The following MAN2B2 variants were observed in gnomAD, a reference collection of about 807,000 sequenced individuals.
MAN2B2 encodes the protein epididymis-specific alpha-mannosidase.
Under a neutral mutation model 117.1 loss-of-function variants are expected in MAN2B2, and 106 were observed. The observed-to-expected ratio is 0.90, with a 90% CI of 0.77 to 1.06. The LOEUF (loss-of-function observed/expected upper bound fraction) is 1.06, where lower values mean the gene tolerates loss of function less well. Ranked by LOEUF, MAN2B2 falls within the 50% of genes least tolerant of loss-of-function variation. MAN2B2 has a pLI of 0.00. For synonymous variants in MAN2B2, 544 were observed against 595.1 expected (o/e 0.91, Z 1.25); for missense variants, 1,326 against 1,381.4 (o/e 0.96, Z 0.64).
At chr4:6,611,586 G>C (rs1375491075) in intron 15 of MAN2B2, among the ~76,000 whole-genome samples, 1 of 148,248 alleles carries the variant, frequency 6.7e-6, no homozygotes, top group Non-Finnish European at 1.5e-5. Context: ...ATGACATTAT[G>C]TCACCATGTC....
rs560418902 is a variant in MAN2B2, at chr4:6,613,579, G to A, written c.2564-639G>A. On this transcript the variant is annotated intron_variant, in intron 15 of 18. Coordinates refer to ENST00000285599, the MANE Select transcript of MAN2B2 (RefSeq NM_015274.3). ...GACACAGCAAGTCCCTATCTACAAGGAAGGAAGGAAGGAAGGGAGGGAGGG... is the reference window on the plus strand; with the variant it reads ...GACACAGCAAGTCCCTATCTACAAGAAAGGAAGGAAGGAAGGGAGGGAGGG... Among the ~76,000 whole-genome samples the A allele has an allele frequency of 2.0e-3, 273 of 136,870 alleles. 1 individual carries two copies. Among genetic ancestry groups the A allele is most frequent in the Non-Finnish European group, 3.3e-3 (209 of 63,456 alleles). The allele number at this position is 136,870 out of a possible 152,430, so 89.8% of individuals were successfully genotyped here.
chr4:6,580,028 G>A (rs1165630887), intron 3 of MAN2B2, among the ~76,000 whole-genome samples: 3 of 152,236 alleles, frequency 2.0e-5, no homozygotes, highest in Non-Finnish European at 2.9e-5. Flanking sequence ...CTCCACTACA[G>A]CATGGGCCCT....
chr4:6,586,053 G>GTTTTTTTTTTTTTTTTTTTTTTT (rs759999292), intron 3 of MAN2B2, among the ~76,000 whole-genome samples: 6 of 143,922 alleles, frequency 4.2e-5, no homozygotes, highest in African/African-American at 1.5e-4. Context: ...TTTTCTTGTG[G>GTTTTTTTTTTTTTTTTTTTTTTT]TTTTTTTTTT....
chr4:6,590,198 C>T (rs751857651), intron 5 of MAN2B2, among the ~76,000 whole-genome samples: 1 of 152,030 alleles, frequency 6.6e-6, no homozygotes, highest in South Asian at 2.1e-4. Flanking sequence ...ATGGCAAAAC[C>T]CCGTCTCTAC....
intron 5 of MAN2B2, among the ~76,000 whole-genome samples, chr4:6,589,747 C>T (rs1466899639): frequency 1.3e-5 from 2 of 152,178 alleles, no homozygotes; most frequent in Non-Finnish European, 2.9e-5. Flanking sequence ...TGAATTGCTT[C>T]TTGTTATGAG....
chr4:6,593,392 A>G lies in MAN2B2; in HGVS notation c.858+42A>G, dbSNP rs748202094. 3.2e-6 allele frequency: 5 copies of G among 1,573,574 alleles called. No individual in the cohort carries two copies. In the African/African-American group the frequency reaches 5.4e-5, roughly 17 times the overall value. ...GGTGCTGTGCCCTCAACACAGCCCA[A>G]GGAGCACTATGCAAGCCCTGGTCCC... On this transcript the variant is annotated intron_variant, in intron 6 of 18. Transcript: ENST00000285599.
intron 6 of MAN2B2, among the ~76,000 whole-genome samples, 181 bp downstream of exon 6, chr4:6,593,531 C>G (rs781007828): frequency 2.4e-4 from 37 of 152,242 alleles, no homozygotes; most frequent in Non-Finnish European, 4.3e-4. Context: ...GCCCCTCCCC[C>G]ACCTGGAAAA....
intron 9 of MAN2B2, among the ~76,000 whole-genome samples, chr4:6,599,426 G>A (rs956547764): frequency 6.6e-6 from 1 of 152,052 alleles, no homozygotes; most frequent in African/African-American, 2.4e-5. Flanking sequence ...ACTTTGGGAG[G>A]CCGAGGCGGG....
Position 6,589,089 on chromosome 4 carries a change from G to T in MAN2B2, c.609G>T (p.Arg203=), listed in dbSNP as rs772414759. The T allele has an allele frequency of 5.0e-6, 8 of 1,614,162 alleles. No individual in the cohort carries two copies. In the East Asian group the frequency reaches 1.6e-4, roughly 31 times the overall value. ...GAGGGTCCCCATCCCTCTCAGAGCG[G>T]CAGGAAATCTTCACGCACATCATGG... ...VWRGSPSLSE[R]QEIFTHIMDQ... The change falls in exon 5 of 19, where the codon CGG becomes CGT. Residue 203 remains arginine (R), a synonymous_variant. Transcript: ENST00000285599.
chr4:6,597,158 T>A lies in MAN2B2; in HGVS notation c.1103T>A (p.Leu368Gln), dbSNP rs1727129248. Residue 368 changes from leucine to glutamine, a missense_variant, in exon 8 of 19, where the codon CTG becomes CAG. By Grantham distance (113) the Leu-to-Gln change is moderately radical. Transcript: ENST00000285599. ...WTGFYTSRSS[L>Q]KGLARRASAL... ...GGCTTCTACACGTCCCGCAGCTCAC[T>A]GAAGGGGCTGGCCCGGCGAGCCAGC... The A allele has an allele frequency of 1.9e-6, 3 of 1,613,054 alleles. 1 individual carries two copies. Among genetic ancestry groups the A allele is most frequent in the South Asian group, 2.2e-5 (2 of 91,048 alleles).
chr4:6,617,413 G>T lies in MAN2B2; in HGVS notation c.2735G>T (p.Arg912Leu). Reference protein sequence around the residue: ...HRGEAQADLRRVLLRLYHLYE... With the variant: ...HRGEAQADLRLVLLRLYHLYE... ...GGGGAAGCCCAGGCTGACCTCCGCC[G>T]TGTCCTGCTGCGGCTCTACCACCTA... is the stretch of plus-strand genomic sequence containing the variant. Residue 912 changes from arginine (R) to leucine (L), a missense_variant, in exon 17 of 19, where the codon CGT becomes CTT. Transcript: ENST00000285599. 1 of 1,614,164 alleles carries T rather than the reference G, an allele frequency of 6.2e-7. No individual in the cohort carries two copies. Among genetic ancestry groups the T allele is most frequent in the African/African-American group, 1.3e-5 (1 of 75,054 alleles).
chr4:6,576,610 C>A lies in MAN2B2; in HGVS notation c.171C>A (p.Tyr57Ter), dbSNP rs1460949050. ...TGCGGGCGTACGCCGCCAATGTCTACACCTCAGTGGTGGAAGAGCTGGCCC... is the reference window on the plus strand; with the variant it reads ...TGCGGGCGTACGCCGCCAATGTCTAAACCTCAGTGGTGGAAGAGCTGGCCC... ...ESMRAYAANV[Y>*]TSVVEELARG... The change falls in exon 2 of 19, where the codon TAC (tyrosine) becomes TAA (stop). Residue 57 changes from tyrosine (Y) to a stop codon, truncating the protein, a stop_gained. Coordinates refer to ENST00000285599, the MANE Select transcript of MAN2B2 (RefSeq NM_015274.3). LOFTEE classifies it high-confidence loss of function. 1 of 1,613,846 alleles carries A rather than the reference C, an allele frequency of 6.2e-7. No individual in the cohort carries two copies. Among genetic ancestry groups the A allele is most frequent in the Admixed American group, 1.7e-5 (1 of 60,030 alleles).
At position 6,594,312 on chromosome 4, in the gene MAN2B2, G is replaced by A. The variant is rs548459149; in HGVS notation, c.859-222G>A. On this transcript the variant is annotated intron_variant, in intron 6 of 18. Coordinates refer to ENST00000285599, the MANE Select transcript of MAN2B2 (RefSeq NM_015274.3). The stretch of plus-strand genomic sequence containing the variant: ...ATAAAAATTAGCCAGGTGTGGTGGC[G>A]CCTGCAGCCTCAGGGAGGCTGAGGC... Among the ~76,000 whole-genome samples, 12 of 48,214 alleles carry A rather than the reference G, an allele frequency of 2.5e-4. No individual in the cohort carries two copies. The East Asian group carries it at 9.7e-3, about 39-fold the overall frequency. The allele number at this position is 48,214 out of a possible 152,430, so 31.6% of individuals were successfully genotyped here. A position where few individuals can be genotyped will look rare whatever the true frequency, so the allele number is the denominator to read the frequency against.
chr4:6,608,999 T>C (rs1198402049), intron 11 of MAN2B2, 108 bp from the exon 12 acceptor site: 30 of 996,988 alleles, frequency 3.0e-5, no homozygotes, highest in Admixed American at 7.6e-5. Context: ...GCCTCGTGAG[T>C]GCTACGCAGG....
intron 15 of MAN2B2, 28 bp from the exon 16 acceptor site, chr4:6,614,190 C>T: frequency 6.2e-7 from 1 of 1,609,970 alleles, no homozygotes; most frequent in Non-Finnish European, 8.5e-7. Flanking sequence ...CCCAAACCCT[C>T]TCCTCACTCT....
rs754992795 is a variant in MAN2B2, at chr4:6,576,642, A to T, written c.203A>T (p.Gln68Leu). The stretch of plus-strand genomic sequence containing the variant: ...GTGGTGGAAGAGCTGGCCCGCGGCC[A>T]GCAGCGCCGGTTCATCGCTGTGGAG... The part of the protein sequence containing the change: ...TSVVEELARG[Q>L]QRRFIAVEQE... Residue 68 changes from glutamine to leucine, a missense_variant, in exon 2 of 19, where the codon CAG (glutamine) becomes CTG (leucine). Transcript: ENST00000285599. 23 of 1,613,614 alleles carry T rather than the reference A, an allele frequency of 1.4e-5. No homozygotes were observed. In the East Asian group the frequency reaches 4.7e-4, roughly 33 times the overall value.
chr4:6,588,062 A>G (rs1366438324), intron 4 of MAN2B2, among the ~76,000 whole-genome samples: 3 of 152,026 alleles, frequency 2.0e-5, no homozygotes, highest in Non-Finnish European at 2.9e-5. Context: ...GCCCAGCTTC[A>G]TCCTGCATTT....
At chr4:6,598,542 G>A (rs996498069) in intron 9 of MAN2B2, among the ~76,000 whole-genome samples, 188 bp downstream of exon 9, 3 of 152,224 alleles carry the variant, frequency 2.0e-5, no homozygotes, top group Non-Finnish European at 4.4e-5. Flanking sequence ...TCCGTGCAAT[G>A]AGGAAGGGTT....
At position 6,621,799 on chromosome 4, in the gene MAN2B2, C is replaced by T. The variant is rs1712189240; in HGVS notation, c.*514C>T. Reference sequence around the variant, plus strand: ...GAAGTTGTAGCGCCTAGCGAGAGTTCCAGCCCCAGACGCCCACCTGTGCCT... The same window carrying T: ...GAAGTTGTAGCGCCTAGCGAGAGTTTCAGCCCCAGACGCCCACCTGTGCCT... On this transcript the variant is annotated 3_prime_UTR_variant, in exon 19 of 19. Transcript: ENST00000285599. 6.6e-6 allele frequency: 1 copy of T among 152,196 alleles called. No individual in the cohort carries two copies. Among genetic ancestry groups the T allele is most frequent in the Non-Finnish European group, 1.5e-5 (1 of 68,048 alleles). The allele number at this position is 152,196 out of a possible 1,614,324, so 9.4% of individuals were successfully genotyped here. A position where few individuals can be genotyped will look rare whatever the true frequency, so the allele number is the denominator to read the frequency against.
Sources: allele counts gnomAD v4.1 joint callset (sites outside exome capture counted in the v4.1 genomes callset), GRCh38; gene constraint gnomAD v4.1.1; transcripts MANE v1.5; gene names NCBI Gene and HGNC (gene_info 2026-07-23, HGNC 2026-07-21).